The following TMEM50B variants were observed in gnomAD, a reference collection of about 807,000 sequenced individuals.
TMEM50B encodes HCV p7-trans-regulated protein 3.
TMEM50B carries 14 observed loss-of-function variants against 23.4 expected under a neutral mutation model. That is an observed-to-expected ratio of 0.60 (90% CI 0.39 to 0.93). TMEM50B has a LOEUF of 0.93. Among genes scored for constraint, TMEM50B ranks in the 40% least tolerant of loss-of-function variants. The probability of loss-of-function intolerance (pLI) is 0.00; values close to 1 mark genes in which losing one functional copy is unlikely to be tolerated. For synonymous variants in TMEM50B, 64 were observed against 62.3 expected, an observed-to-expected ratio of 1.03 and a Z score of -0.13; for missense variants, 159 against 193.0, an observed-to-expected ratio of 0.82 and a Z score of 1.04.
Position 33,440,907 on chromosome 21 carries a change from G to A in TMEM50B, c.*2037-1610C>T, listed in dbSNP as rs117455160. ...AAAAATAATAATAAAATAAAATAAC[G>A]TCTCTGTCCATAGTGTTTAAATCAC... is the stretch of plus-strand genomic sequence containing the variant. On this transcript the variant is annotated intron_variant and NMD_transcript_variant, in intron 7 of 8. Coordinates refer to the TMEM50B transcript ENST00000420455. Among the ~76,000 whole-genome samples the A allele has an allele frequency of 2.4e-3, 367 of 151,652 alleles. 3 individuals are homozygous for A. Among genetic ancestry groups the A allele is most frequent in the Non-Finnish European group, 4.7e-3 (322 of 67,872 alleles).
chr21:33,452,633 T>C (rs2123419562), intron 6 of TMEM50B, among the ~76,000 whole-genome samples: 1 of 152,312 alleles, frequency 6.6e-6, no homozygotes, highest in African/African-American at 2.4e-5. Context: ...TGGTCCTGCC[T>C]ATAACAAAGC....
At chr21:33,445,273 A>C (rs2123402312), downstream of TMEM50B, among the ~76,000 whole-genome samples, 1 of 152,284 alleles carries the variant, frequency 6.6e-6, no homozygotes, top group African/African-American at 2.4e-5. Flanking sequence ...GTCCTGCCAT[A>C]CTTACTCAAA....
intron 6 of TMEM50B, among the ~76,000 whole-genome samples, chr21:33,451,770 A>G (rs2084123032): frequency 6.6e-6 from 1 of 152,202 alleles, no homozygotes. Context: ...CATATAAGCA[A>G]TAATTGGAGT....
rs2084101580 is a variant in TMEM50B at position 33,449,887 on chromosome 21, AC to A, written c.*930del. The A allele has an allele frequency of 6.6e-6, 1 of 152,616 alleles. No homozygotes were observed. The highest frequency in any genetic ancestry group is 2.4e-5 in the African/African-American group (1 of 41,450). The allele number at this position is 152,616 out of a possible 1,614,324, so 9.5% of individuals were successfully genotyped here. Reference sequence around the variant, plus strand: ...GAAGCATGGTGCTGAGCTGCCTTACACAGTCTTTTTACAGTAACCATAAAAA... The same window carrying A: ...GAAGCATGGTGCTGAGCTGCCTTACAAGTCTTTTTACAGTAACCATAAAAA... On this transcript the variant is annotated 3_prime_UTR_variant, in exon 7 of 7. Coordinates refer to ENST00000542230, the MANE Select transcript of TMEM50B (RefSeq NM_006134.7).
chr21:33,436,703 G>A, intron 8 of TMEM50B: 1 of 726,588 alleles, frequency 1.4e-6, no homozygotes, highest in Non-Finnish European at 2.2e-6. Flanking sequence ...GCCTAGGCAA[G>A]AGTAAGACTC....
At chr21:33,476,891 A>G (rs1257899169) in intron 1 of TMEM50B, among the ~76,000 whole-genome samples, 1 of 152,196 alleles carries the variant, frequency 6.6e-6, no homozygotes, top group Non-Finnish European at 1.5e-5. Flanking sequence ...GATTTTCATA[A>G]AGCAAAGCTT....
At chr21:33,475,798 C>CA (rs765808322) in intron 1 of TMEM50B, among the ~76,000 whole-genome samples, 51 of 151,912 alleles carry the variant, frequency 3.4e-4, no homozygotes, top group Non-Finnish European at 6.3e-4. Flanking sequence ...AATAAAAATA[C>CA]AAAAAATCAG....
chr21:33,478,932 A>G (rs537983103), intron 1 of TMEM50B: 15 of 423,014 alleles, frequency 3.5e-5, no homozygotes, highest in Non-Finnish European at 1.4e-5. Flanking sequence ...CCGAAAAGAG[A>G]AAATCGGGTC....
intron 8 of TMEM50B, among the ~76,000 whole-genome samples, chr21:33,438,972 C>A (rs968700833): frequency 1.3e-5 from 2 of 152,062 alleles, no homozygotes; most frequent in Non-Finnish European, 2.9e-5. Context: ...TCATGATCCA[C>A]CCACCTTGGT....
intron 2 of TMEM50B, among the ~76,000 whole-genome samples, chr21:33,468,184 G>A (rs1243592401): frequency 6.6e-6 from 1 of 151,696 alleles, no homozygotes; most frequent in African/African-American, 2.4e-5. Context: ...GATAAAGGAG[G>A]TGATGGAATC....
downstream of TMEM50B, among the ~76,000 whole-genome samples, chr21:33,446,192 G>A (rs557248222): frequency 6.6e-6 from 1 of 151,662 alleles, no homozygotes; most frequent in East Asian, 1.9e-4. Context: ...AGCCACCATA[G>A]CAGCACTTTC....
intron 2 of TMEM50B, 169 bp downstream of exon 2, chr21:33,468,618 C>A: frequency 1.8e-6 from 1 of 552,900 alleles, no homozygotes; most frequent in South Asian, 2.8e-5. Flanking sequence ...GAATCCAGGG[C>A]CTACCATATT....
Position 33,450,683 on chromosome 21 carries a change from A to G in TMEM50B, c.*135T>C. ...AGAAATTTCATAAAACTATTTCAAA[A>G]CTCAGAACATAAAAATGTAAAGAAA... On this transcript the variant is annotated 3_prime_UTR_variant, in exon 7 of 7. Transcript: ENST00000542230. The G allele has an allele frequency of 1.5e-6, 1 of 650,446 alleles. No homozygotes were observed. The highest frequency in any genetic ancestry group is 1.8e-5 in the African/African-American group (1 of 55,232). 40.3% of individuals were successfully genotyped at this position (650,446 alleles called of 1,614,324 possible).
intron 7 of TMEM50B, among the ~76,000 whole-genome samples, chr21:33,440,461 G>A (rs113666093): frequency 6.6e-6 from 1 of 151,932 alleles, no homozygotes; most frequent in African/African-American, 2.4e-5. Context: ...GGTGGTGCAT[G>A]CCTGTAATCC....
intron 6 of TMEM50B, 86 bp from the exon 7 acceptor site, chr21:33,450,949 T>TAC (rs1445012425): frequency 1.9e-5 from 20 of 1,028,158 alleles, no homozygotes; most frequent in East Asian, 1.9e-4. Flanking sequence ...CTTTGACAGG[T>TAC]ACTTCACTGA....
downstream of TMEM50B, among the ~76,000 whole-genome samples, chr21:33,446,128 C>T (rs1409181504): frequency 1.3e-5 from 2 of 152,192 alleles, no homozygotes; most frequent in Non-Finnish European, 2.9e-5. Context: ...GCCATGCCCA[C>T]ACCTAAACAT....
chr21:33,439,777 G>T lies in TMEM50B; in HGVS notation c.*2037-480C>A, dbSNP rs1163686386. ...ATTTACACTGTCAAGGCCAGGCGCA[G>T]TGGCTCACACCTGTAATCCGAGCAC... is the stretch of plus-strand genomic sequence containing the variant. On this transcript the variant is annotated intron_variant and NMD_transcript_variant, in intron 7 of 8. Coordinates refer to the TMEM50B transcript ENST00000420455. Among the ~76,000 whole-genome samples the T allele has an allele frequency of 7.2e-5, 11 of 152,000 alleles. No individual in the cohort carries two copies. The South Asian group carries it at 2.3e-3, about 32-fold the overall frequency.
At chr21:33,469,096 C>T (rs780194439) in intron 1 of TMEM50B, among the ~76,000 whole-genome samples, 170 bp from the exon 2 acceptor site, 5 of 152,134 alleles carry the variant, frequency 3.3e-5, no homozygotes, top group Non-Finnish European at 5.9e-5. Flanking sequence ...GTATATAGGA[C>T]TACGCTAGGA....
intron 4 of TMEM50B, among the ~76,000 whole-genome samples, chr21:33,461,590 G>A (rs2084217145): frequency 6.6e-6 from 1 of 152,082 alleles, no homozygotes; most frequent in South Asian, 2.1e-4. Flanking sequence ...AATTGCCTGA[G>A]CTCAGGAGTT....
Sources: gnomAD v4.1 joint callset for allele counts (sites outside exome capture counted in the v4.1 genomes callset) on GRCh38, gnomAD v4.1.1 for gene constraint, MANE v1.5 for transcripts, NCBI Gene and HGNC (gene_info 2026-07-23, HGNC 2026-07-21) for gene names.